Variants in EFCAB6 observed in about 807,000 individuals in gnomAD.
EFCAB6 encodes EF-hand calcium-binding domain-containing protein 6.
In EFCAB6, 156 loss-of-function variants were observed where a neutral mutation model predicts 169.8. The observed-to-expected ratio is 0.92, with a 90% CI of 0.81 to 1.05. EFCAB6 has a LOEUF of 1.05. Ranked by LOEUF, EFCAB6 falls within the 50% of genes least tolerant of loss-of-function variation. EFCAB6 has a pLI of 0.00. For synonymous variants in EFCAB6, 698 were observed against 676.4 expected, an observed-to-expected ratio of 1.03 and a Z score of -0.50; for missense variants, 1,800 against 1,829.1, an observed-to-expected ratio of 0.98 and a Z score of 0.29.
chr22:43,781,038 G>A (rs2061807217), intron 3 of EFCAB6, among the ~76,000 whole-genome samples: 1 of 152,056 alleles, frequency 6.6e-6, no homozygotes, highest in Admixed American at 6.6e-5. Flanking sequence ...GTCTAGGGCG[G>A]GCCTTCTCTC....
chr22:43,757,930 T>C (rs78659790), intron 5 of EFCAB6, among the ~76,000 whole-genome samples: 3,030 of 152,302 alleles, frequency 0.02, 104 homozygotes, highest in African/African-American at 0.07. Context: ...TTTAAATCTT[T>C]TCACTTTTAA....
chr22:43,586,760 G>A (rs2051101223), intron 24 of EFCAB6, among the ~76,000 whole-genome samples: 1 of 152,084 alleles, frequency 6.6e-6, no homozygotes, highest in Admixed American at 6.5e-5. Context: ...GTCCAGCAGC[G>A]TCAGCATCAC....
chr22:43,700,102 G>C (rs1479280484), intron 10 of EFCAB6, among the ~76,000 whole-genome samples: 1 of 152,166 alleles, frequency 6.6e-6, no homozygotes, highest in Non-Finnish European at 1.5e-5. Context: ...CACCATGTTA[G>C]TCAAAGGGTC....
intron 6 of EFCAB6, among the ~76,000 whole-genome samples, chr22:43,738,202 ACT>A (rs1222573711): frequency 2.6e-4 from 39 of 150,912 alleles, no homozygotes; most frequent in African/African-American, 9.0e-4. Context: ...ATATACTCAA[ACT>A]CACACACGTG....
rs140799344 is a variant in EFCAB6 at position 43,664,619 on chromosome 22, G to C, written c.1983+2485C>G. Among the ~76,000 whole-genome samples the C allele has an allele frequency of 3.1e-3, 470 of 152,324 alleles. 3 individuals are homozygous for C. The highest frequency in any genetic ancestry group is 0.011 in the African/African-American group (453 of 41,556). ...AACAGAGACTTGAAGGAGGCAAGGG[G>C]AGAGCCATGCAGTTACCCAAGGAGC... is the stretch of plus-strand genomic sequence containing the variant. On this transcript the variant is annotated intron_variant, in intron 17 of 31. Transcript: ENST00000262726.
At chr22:43,630,453 G>C (rs1408616847) in intron 19 of EFCAB6, among the ~76,000 whole-genome samples, 1 of 152,244 alleles carries the variant, frequency 6.6e-6, no homozygotes, top group Non-Finnish European at 1.5e-5. Flanking sequence ...TGATCGTAAA[G>C]ATAGGAAAGC....
Position 43,537,613 on chromosome 22 carries a change from C to G in EFCAB6, c.3880-68G>C, listed in dbSNP as rs925240351. 1 of 1,517,286 alleles carries G rather than the reference C, an allele frequency of 6.6e-7. No homozygotes were observed. Among genetic ancestry groups the G allele is most frequent in the African/African-American group, 1.4e-5 (1 of 72,016 alleles). The allele number at this position is 1,517,286 out of a possible 1,614,324, so 94.0% of individuals were successfully genotyped here. A position where few individuals can be genotyped will look rare whatever the true frequency, so the allele number is the denominator to read the frequency against. ...AAAACGGAAGTCATCAAAAATACCTCAATACCTCCAGTTTTGAGGTTCACA... is the reference window on the plus strand; with the variant it reads ...AAAACGGAAGTCATCAAAAATACCTGAATACCTCCAGTTTTGAGGTTCACA... On this transcript the variant is annotated intron_variant, in intron 28 of 31. Transcript: ENST00000262726. This position sits in a 1 kb window ranked among gnomAD's most constrained non-coding sequence, Gnocchi z 4.3.
At position 43,643,045 on chromosome 22, in the gene EFCAB6, G is replaced by A. The variant is rs144150946; in HGVS notation, c.1984-7829C>T. Reference sequence around the variant, plus strand: ...AGGAACAGCATAGTGTCAAGAGCCAGAACTGGCTTCTGAGCCACAAACCCT... The same window carrying A: ...AGGAACAGCATAGTGTCAAGAGCCAAAACTGGCTTCTGAGCCACAAACCCT... On this transcript the variant is annotated intron_variant, in intron 17 of 31. Coordinates refer to ENST00000262726, the MANE Select transcript of EFCAB6 (RefSeq NM_022785.4). Among the ~76,000 whole-genome samples, 463 of 152,280 alleles carry A rather than the reference G, an allele frequency of 3.0e-3. 2 individuals are homozygous for A. The highest frequency in any genetic ancestry group is 0.017 in the Middle Eastern group (5 of 294).
At position 43,672,127 on chromosome 22, in the gene EFCAB6, C is replaced by T; in HGVS notation, c.1486G>A (p.Glu496Lys). The change falls in exon 15 of 32, where the codon GAA (glutamate) becomes AAA (lysine). Residue 496 changes from glutamate to lysine, a missense_variant. Physicochemically the swap from Glu to Lys is moderately conservative, Grantham distance 56. Coordinates refer to ENST00000262726, the MANE Select transcript of EFCAB6 (RefSeq NM_022785.4). ...CTAGTAATTGTATCATGAACAATTTCTTCCACCTAACATTAAAAAACAAAC... is the reference window on the plus strand; with the variant it reads ...CTAGTAATTGTATCATGAACAATTTTTTCCACCTAACATTAAAAAACAAAC... ...PFLLAWDSVEEIVHDTITRNL... is the reference protein window; with the variant it reads ...PFLLAWDSVEKIVHDTITRNL... 6.2e-7 allele frequency: 1 copy of T among 1,613,098 alleles called. No individual in the cohort carries two copies. Among genetic ancestry groups the T allele is most frequent in the Non-Finnish European group, 8.5e-7 (1 of 1,179,694 alleles).
chr22:43,792,284 G>A (rs1163901337), intron 2 of EFCAB6, among the ~76,000 whole-genome samples: 5 of 152,184 alleles, frequency 3.3e-5, no homozygotes, highest in Admixed American at 3.3e-4. Context: ...ACGAACCTGT[G>A]GTTGTGTGTT....
At chr22:43,672,934 C>CA (rs1205973368) in intron 13 of EFCAB6, among the ~76,000 whole-genome samples, 2 of 151,828 alleles carry the variant, frequency 1.3e-5, no homozygotes, top group Admixed American at 6.6e-5. Context: ...AATAAACACA[C>CA]AAAAAAACCC....
At chr22:43,644,583 T>A (rs2056032830) in intron 17 of EFCAB6, among the ~76,000 whole-genome samples, 1 of 152,198 alleles carries the variant, frequency 6.6e-6, no homozygotes, top group Non-Finnish European at 1.5e-5. Context: ...CAACCTTACT[T>A]AGTGCCTGAC....
At chr22:43,601,006 A>G (rs2052477481) in intron 22 of EFCAB6, among the ~76,000 whole-genome samples, 1 of 152,234 alleles carries the variant, frequency 6.6e-6, no homozygotes, top group East Asian at 1.9e-4. Context: ...TGTGAAAGGA[A>G]TTATGCTAAG....
intron 10 of EFCAB6, 71 bp from the exon 11 acceptor site, chr22:43,687,652 CT>C: frequency 1.2e-6 from 1 of 838,154 alleles, no homozygotes; most frequent in South Asian, 2.1e-5. Flanking sequence ...GGATTAGGTA[CT>C]TAATGTTGAA....
At chr22:43,716,542 T>C (rs1258919829) in intron 9 of EFCAB6, 1 of 346,598 alleles carries the variant, frequency 2.9e-6, no homozygotes, top group Non-Finnish European at 5.2e-6. Context: ...AAAAGACCTC[T>C]TCACTTATTC....
chr22:43,770,709 T>G (rs1311282865), intron 4 of EFCAB6, among the ~76,000 whole-genome samples: 1 of 152,160 alleles, frequency 6.6e-6, no homozygotes, highest in Non-Finnish European at 1.5e-5. Context: ...AATAAAACTT[T>G]TTTTAATGAA....
chr22:43,632,287 ATTCC>A, intron 18 of EFCAB6, 49 bp from the exon 19 acceptor site: 4 of 1,386,324 alleles, frequency 2.9e-6, no homozygotes, highest in Non-Finnish European at 3.8e-6. Context: ...CATCAGCTTC[ATTCC>A]TTCTTTTTTT....
intron 23 of EFCAB6, among the ~76,000 whole-genome samples, chr22:43,597,554 C>T (rs1430629804): frequency 6.6e-6 from 1 of 152,206 alleles, no homozygotes; most frequent in East Asian, 1.9e-4. Context: ...GATATCATCT[C>T]ATCCCAGTTA....
At chr22:43,621,412 G>C (rs983721550) in intron 20 of EFCAB6, among the ~76,000 whole-genome samples, 3 of 152,058 alleles carry the variant, frequency 2.0e-5, no homozygotes, top group South Asian at 2.1e-4. Context: ...TGAACATGAT[G>C]CAAATATTTT....
Sources: allele counts gnomAD v4.1 joint callset (sites outside exome capture counted in the v4.1 genomes callset), GRCh38; gene constraint gnomAD v4.1.1; non-coding constraint Gnocchi (gnomAD v3.1); transcripts MANE v1.5; gene names NCBI Gene and HGNC (gene_info 2026-07-23, HGNC 2026-07-21).